The following AGO2 variants were observed in gnomAD, a reference collection of about 807,000 sequenced individuals.
AGO2 encodes argonaute RISC catalytic component 2.
In AGO2, 5 loss-of-function variants were observed where a neutral mutation model predicts 102.3. That is an observed-to-expected ratio of 0.05 (90% CI 0.03 to 0.10). The LOEUF is 0.10. Among genes scored for constraint, AGO2 ranks in the 10% least tolerant of loss-of-function variants. The probability of loss-of-function intolerance (pLI) is 1.00; values close to 1 mark genes in which losing one functional copy is unlikely to be tolerated. For missense variants in AGO2, 541 were observed against 1,183.7 expected (o/e 0.46, Z 7.97); for synonymous variants, 449 against 473.1 (o/e 0.95, Z 0.66).
chr8:140,563,364 G>C (rs1235855263), intron 3 of AGO2, among the ~76,000 whole-genome samples: 1 of 152,024 alleles, frequency 6.6e-6, no homozygotes, highest in African/African-American at 2.4e-5. Flanking sequence ...CCAAGTAGCT[G>C]GAACTACAGG....
At position 140,598,286 on chromosome 8, in the gene AGO2, CA is replaced by C. The variant is rs1410648489; in HGVS notation, c.23-12976del. On this transcript the variant is annotated intron_variant, in intron 1 of 18. Transcript: ENST00000220592. ...TCCAGGTGTTCTAAAGCCACAGCACCAAAAAGAATTCTCTTCGGCAAAGGCA... is the reference window on the plus strand; with the variant it reads ...TCCAGGTGTTCTAAAGCCACAGCACCAAAAGAATTCTCTTCGGCAAAGGCA... 2.0e-5 allele frequency among the ~76,000 whole-genome samples: 3 copies of C among 152,144 alleles called. No homozygotes were observed. In the East Asian group the frequency reaches 5.8e-4, roughly 29 times the overall value.
intron 1 of AGO2, among the ~76,000 whole-genome samples, chr8:140,622,047 A>G (rs1044136026): frequency 6.6e-6 from 1 of 152,178 alleles, no homozygotes; most frequent in Non-Finnish European, 1.5e-5. Flanking sequence ...ATATCCATAC[A>G]CTCGGATACT....
intron 1 of AGO2, among the ~76,000 whole-genome samples, chr8:140,593,550 TAAAAA>T (rs201599088): frequency 2.2e-5 from 3 of 135,432 alleles, no homozygotes; most frequent in African/African-American, 5.6e-5. Context: ...CTAGGAAAGT[TAAAAA>T]AAAAAAAAAA....
At position 140,540,760 on chromosome 8, in the gene AGO2, T is replaced by G. The variant is rs1808988424; in HGVS notation, c.2034+404A>C. ...GGCCCTGCCTCCACACCTCTCACAC[T>G]GCAGACAGGCGTCCCCAGACGCAAT... On this transcript the variant is annotated intron_variant, in intron 15 of 18. Coordinates refer to ENST00000220592, the MANE Select transcript of AGO2 (RefSeq NM_012154.5). The surrounding 1 kb of genome is among the most constrained non-coding windows in gnomAD (Gnocchi z 5.0). Among the ~76,000 whole-genome samples, 1 of 152,112 alleles carries G rather than the reference T, an allele frequency of 6.6e-6. No homozygotes were observed. The highest frequency in any genetic ancestry group is 2.4e-5 in the African/African-American group (1 of 41,430).
intron 10 of AGO2, among the ~76,000 whole-genome samples, chr8:140,553,912 G>C (rs2073050091): frequency 6.6e-6 from 1 of 152,032 alleles, no homozygotes; most frequent in African/African-American, 2.4e-5. Context: ...GTTGACCGGA[G>C]GCTGGTCTCG....
intron 14 of AGO2, 31 bp downstream of exon 14, chr8:140,544,182 G>A: frequency 6.4e-7 from 1 of 1,553,894 alleles, no homozygotes; most frequent in Non-Finnish European, 8.6e-7. Context: ...TGTTGTCAAT[G>A]GAAGACCCAT....
chr8:140,603,243 AGTCT>A lies in AGO2; in HGVS notation c.23-17936_23-17933del, dbSNP rs1425887614. Among the ~76,000 whole-genome samples the A allele has an allele frequency of 1.8e-4, 27 of 152,298 alleles. No individual in the cohort carries two copies. The East Asian group carries it at 4.3e-3, about 24-fold the overall frequency. On this transcript the variant is annotated intron_variant, in intron 1 of 18. Transcript: ENST00000220592. Reference sequence around the variant, plus strand: ...GATGGAATCCCAGATCTCATCGGGAAGTCTGTCAGCCAAAAACACACACCTCAAA... The same window carrying A: ...GATGGAATCCCAGATCTCATCGGGAAGTCAGCCAAAAACACACACCTCAAA...
In AGO2 at chr8:140,539,298, C is replaced by T; in HGVS notation, c.2169+22G>A. ...CTGAGGGGAGAACCGTGCCCCCTGC[C>T]TGGAGTCATGCAGAAACTCACCCGC... On this transcript the variant is annotated intron_variant, in intron 16 of 18. Transcript: ENST00000220592. This position sits in a 1 kb window ranked among gnomAD's most constrained non-coding sequence, Gnocchi z 4.7. The T allele has an allele frequency of 6.3e-7, 1 of 1,589,494 alleles. No individual in the cohort carries two copies. The highest frequency in any genetic ancestry group is 8.6e-7 in the Non-Finnish European group (1 of 1,165,460).
Position 140,555,622 on chromosome 8 carries a change from C to CT in AGO2, c.1269+273dup, listed in dbSNP as rs1181131328. The CT allele has an allele frequency of 8.0e-6, 3 of 376,966 alleles. No homozygotes were observed. In the Admixed American group the frequency reaches 1.3e-4, roughly 17 times the overall value. 23.4% of individuals were successfully genotyped at this position (376,966 alleles called of 1,614,324 possible). The stretch of plus-strand genomic sequence containing the variant: ...AAATAATTCGACCCTCGGTGAGTGT[C>CT]TGTCACACACAGAATGGTGCTCTCT... On this transcript the variant is annotated intron_variant, in intron 10 of 18. Transcript: ENST00000220592.
At chr8:140,548,209 G>A (rs1245169345) in intron 12 of AGO2, among the ~76,000 whole-genome samples, 4 of 151,790 alleles carry the variant, frequency 2.6e-5, no homozygotes, top group East Asian at 1.9e-4. Context: ...CCAGCTACTC[G>A]GGAGGCTGAG....
chr8:140,615,037 T>TGTTTTATGAGTTTTATGA (rs1368974560), intron 1 of AGO2, among the ~76,000 whole-genome samples: 1 of 152,218 alleles, frequency 6.6e-6, no homozygotes, highest in Non-Finnish European at 1.5e-5. Context: ...TTCCACTAAC[T>TGTTTTATGAGTTTTATGA]GTTTTATGAG....
At chr8:140,596,439 C>A (rs548759108) in intron 1 of AGO2, among the ~76,000 whole-genome samples, 1 of 152,118 alleles carries the variant, frequency 6.6e-6, no homozygotes, top group Non-Finnish European at 1.5e-5. Context: ...CAAAATTAGC[C>A]GGGCACGGTG....
chr8:140,584,449 C>G (rs2073615821), intron 2 of AGO2, among the ~76,000 whole-genome samples: 1 of 152,222 alleles, frequency 6.6e-6, no homozygotes, highest in Non-Finnish European at 1.5e-5. Flanking sequence ...CAGCTAAACA[C>G]ACAGCTGCCC....
intron 1 of AGO2, among the ~76,000 whole-genome samples, chr8:140,629,039 C>T (rs373771050): frequency 1.3e-5 from 2 of 152,112 alleles, no homozygotes; most frequent in Admixed American, 6.5e-5. Flanking sequence ...TGCAGTGGGT[C>T]GACATTGCGC....
chr8:140,609,007 C>T (rs1199040497), intron 1 of AGO2, among the ~76,000 whole-genome samples: 1 of 152,218 alleles, frequency 6.6e-6, no homozygotes, highest in African/African-American at 2.4e-5. Context: ...GGCCTAACAC[C>T]CATGGGACCC....
intron 1 of AGO2, chr8:140,626,677 T>C (rs2074282517): frequency 6.6e-6 from 1 of 152,294 alleles, no homozygotes; most frequent in Non-Finnish European, 1.5e-5. Flanking sequence ...GGTGCTGTTA[T>C]GCTGAGGCGG....
In AGO2 at chr8:140,628,489, C is replaced by T. The variant is rs543181524; in HGVS notation, c.22+6996G>A. On this transcript the variant is annotated intron_variant, in intron 1 of 18. Transcript: ENST00000220592. The stretch of plus-strand genomic sequence containing the variant: ...CTGCATAATATTCTGCAGTGTTAAG[C>T]AGCACAGATGCTTCTGAGAAATGCT... Among the ~76,000 whole-genome samples, 157 of 152,354 alleles carry T rather than the reference C, an allele frequency of 1.0e-3. 1 individual carries two copies. Among genetic ancestry groups the T allele is most frequent in the African/African-American group, 3.5e-3 (147 of 41,570 alleles).
chr8:140,558,471 G>T lies in AGO2; in HGVS notation c.878+14C>A. 1 of 1,614,124 alleles carries T rather than the reference G, an allele frequency of 6.2e-7. No homozygotes were observed. Among genetic ancestry groups the T allele is most frequent in the Non-Finnish European group, 8.5e-7 (1 of 1,179,930 alleles). ...GGCCCCAGCCAAGAGAGTCTGAAAG[G>T]AAGGGCGTGTTACGTTTGGTGACTG... On this transcript the variant is annotated intron_variant, in intron 7 of 18. Transcript: ENST00000220592.
chr8:140,627,050 T>C (rs2074287098), intron 1 of AGO2, among the ~76,000 whole-genome samples: 1 of 152,132 alleles, frequency 6.6e-6, no homozygotes, highest in South Asian at 2.1e-4. Context: ...CCGTCAATCA[T>C]AACTGGGACT....
Sources: allele counts gnomAD v4.1 joint callset (sites outside exome capture counted in the v4.1 genomes callset), GRCh38; gene constraint gnomAD v4.1.1; non-coding constraint Gnocchi (gnomAD v3.1); transcripts MANE v1.5; gene names NCBI Gene and HGNC (gene_info 2026-07-23, HGNC 2026-07-21).